MED12L: variants seen among roughly 807,000 people sequenced by gnomAD.
MED12L encodes the protein mediator complex subunit 12L, also known as mediator of RNA polymerase II transcription subunit 12-like protein.
In MED12L, 60 loss-of-function variants were observed where a neutral mutation model predicts 281.3. That is an observed-to-expected ratio of 0.21 (90% CI 0.17 to 0.26). The LOEUF (loss-of-function observed/expected upper bound fraction) is 0.26, where lower values mean the gene tolerates loss of function less well. MED12L is among the 10% of genes least tolerant of loss of function. The pLI is 1.00. For missense variants in MED12L, 2,146 were observed against 2,680.9 expected (o/e 0.80, Z 4.41); for synonymous variants, 974 against 987.2 (o/e 0.99, Z 0.25).
intron 16 of MED12L, among the ~76,000 whole-genome samples, chr3:151,209,866 A>G (rs990731491): frequency 1.3e-5 from 2 of 152,188 alleles, no homozygotes; most frequent in African/African-American, 4.8e-5. Flanking sequence ...AGATAAAGCC[A>G]GTGTATCACG....
chr3:151,298,203 A>G (rs1367905883), intron 16 of MED12L, among the ~76,000 whole-genome samples: 3 of 152,208 alleles, frequency 2.0e-5, no homozygotes, highest in Non-Finnish European at 2.9e-5. Context: ...AGGTGTACTC[A>G]GAAGCATTTC....
chr3:151,149,286 G>A (rs1476615042), intron 5 of MED12L, among the ~76,000 whole-genome samples: 4 of 152,142 alleles, frequency 2.6e-5, no homozygotes, highest in Non-Finnish European at 5.9e-5. Context: ...AAGTAGAGAA[G>A]GTACAGACAT....
intron 11 of MED12L, among the ~76,000 whole-genome samples, chr3:151,178,013 A>AG (rs1050768230): frequency 2.6e-5 from 4 of 151,958 alleles, no homozygotes; most frequent in Non-Finnish European, 5.9e-5. Context: ...ATTTAAAGCT[A>AG]GGGAGGCATG....
At chr3:151,423,521 A>G (rs2108440560) in intron 43 of MED12L, among the ~76,000 whole-genome samples, 1 of 152,274 alleles carries the variant, frequency 6.6e-6, no homozygotes. Flanking sequence ...GTTGCCATCT[A>G]CTTACTTCAG....
rs917290681 is a variant in MED12L, at chr3:151,433,870, A to G, written c.*1066A>G. 6.5e-6 allele frequency: 1 copy of G among 152,680 alleles called. No individual in the cohort carries two copies. The highest frequency in any genetic ancestry group is 1.5e-5 in the Non-Finnish European group (1 of 68,050). The allele number at this position is 152,680 out of a possible 1,614,324, so 9.5% of individuals were successfully genotyped here. ...CTTGGTTGTGTATTGCATATACTGT[A>G]TTTATAAATTGGTGCAAAAAGCACA... On this transcript the variant is annotated 3_prime_UTR_variant, in exon 45 of 45. Transcript: ENST00000687756.
chr3:151,311,458 G>A (rs1747502487), intron 16 of MED12L, among the ~76,000 whole-genome samples: 1 of 152,036 alleles, frequency 6.6e-6, no homozygotes, highest in South Asian at 2.1e-4. Context: ...CATGGTATAT[G>A]CTGACACATT....
chr3:151,300,189 G>A (rs1745714335), intron 16 of MED12L: 2 of 893,060 alleles, frequency 2.2e-6, no homozygotes, highest in African/African-American at 1.6e-5. Context: ...GGTTATTCCT[G>A]GTTTGATTTC....
At chr3:151,226,760 TC>T (rs1349839765) in intron 16 of MED12L, among the ~76,000 whole-genome samples, 3 of 152,222 alleles carry the variant, frequency 2.0e-5, no homozygotes, top group African/African-American at 7.2e-5. Context: ...ATAGAGAACC[TC>T]CTTTTGATTT....
chr3:151,156,426 C>A, intron 6 of MED12L, 96 bp downstream of exon 6: 1 of 1,193,126 alleles, frequency 8.4e-7, no homozygotes, highest in Non-Finnish European at 1.2e-6. Flanking sequence ...TCCTATTTTA[C>A]ATGAACCAAT....
intron 16 of MED12L, among the ~76,000 whole-genome samples, chr3:151,226,150 CAGTG>C (rs1301961073): frequency 2.6e-5 from 4 of 152,176 alleles, no homozygotes; most frequent in African/African-American, 7.2e-5. Flanking sequence ...CACAGGAACA[CAGTG>C]AGCACGTATC....
intron 16 of MED12L, among the ~76,000 whole-genome samples, chr3:151,325,425 T>C (rs1390017583): frequency 5.9e-5 from 9 of 152,246 alleles, no homozygotes; most frequent in African/African-American, 2.2e-4. Context: ...TATTATTTTC[T>C]TTTATTCTTT....
intron 16 of MED12L, among the ~76,000 whole-genome samples, chr3:151,254,447 C>G (rs867905494): frequency 2.8e-4 from 43 of 152,334 alleles, no homozygotes; most frequent in African/African-American, 9.9e-4. Flanking sequence ...TGAGGGCAGG[C>G]TTCCCTCTGG....
chr3:151,223,855 A>G (rs1456075548), intron 16 of MED12L, among the ~76,000 whole-genome samples: 1 of 152,204 alleles, frequency 6.6e-6, no homozygotes, highest in Non-Finnish European at 1.5e-5. Context: ...AAAAGAAAAG[A>G]ACATTGCCTA....
chr3:151,143,316 A>AT (rs1347482034), intron 5 of MED12L, among the ~76,000 whole-genome samples: 2 of 152,262 alleles, frequency 1.3e-5, no homozygotes, highest in African/African-American at 4.8e-5. Context: ...CAGTAACTGC[A>AT]TTTAGGACCT....
intron 6 of MED12L, among the ~76,000 whole-genome samples, chr3:151,157,892 TTTTG>T (rs904878687): frequency 1.3e-5 from 2 of 152,222 alleles, no homozygotes; most frequent in African/African-American, 4.8e-5. Context: ...GAAAACAGTT[TTTTG>T]TTTCTTTCTT....
intron 16 of MED12L, chr3:151,337,816 T>C (rs961509545): frequency 6.2e-7 from 1 of 1,613,464 alleles, no homozygotes; most frequent in African/African-American, 1.3e-5. Context: ...AGTTAATTTG[T>C]TTACATTGGA....
chr3:151,159,871 C>T lies in MED12L; in HGVS notation c.877C>T (p.Arg293Cys), dbSNP rs1431374016. 2 of 1,614,066 alleles carry T rather than the reference C, an allele frequency of 1.2e-6. No homozygotes were observed. Among genetic ancestry groups the T allele is most frequent in the Non-Finnish European group, 1.7e-6 (2 of 1,180,028 alleles). The change falls in exon 8 of 45, where the codon CGT becomes TGT. Residue 293 changes from arginine (R) to cysteine (C), a missense_variant. Coordinates refer to ENST00000687756, the MANE Select transcript of MED12L (RefSeq NM_001393769.1). ...EFVQSAYLSR[R>C]LAYFCARRLS... ...TGTTCAGTCGGCCTACCTGTCTCGT[C>T]GTCTTGCCTACTTTTGTGCCCGGCG...
chr3:151,150,621 A>C (rs538746661), intron 5 of MED12L, among the ~76,000 whole-genome samples: 51 of 152,326 alleles, frequency 3.3e-4, no homozygotes, highest in Admixed American at 9.2e-4. Context: ...TTTTCTAGCT[A>C]TGAAAGTCCT....
chr3:151,335,675 T>A (rs1234323409), intron 16 of MED12L, among the ~76,000 whole-genome samples: 10 of 152,180 alleles, frequency 6.6e-5, no homozygotes, highest in Admixed American at 6.5e-4. Context: ...AAGCTAGAGA[T>A]AATGGCATGT....
Sources: allele counts gnomAD v4.1 joint callset (sites outside exome capture counted in the v4.1 genomes callset), GRCh38; gene constraint gnomAD v4.1.1; transcripts MANE v1.5; gene names NCBI Gene and HGNC (gene_info 2026-07-23, HGNC 2026-07-21).